NARS2: variants seen among roughly 807,000 people sequenced by gnomAD.
The protein encoded by NARS2 is asparaginyl-tRNA synthetase.
NARS2 carries 60 observed loss-of-function variants against 62.9 expected under a neutral mutation model. The ratio of observed to expected loss-of-function variants is 0.95; its 90% CI spans 0.77 to 1.18. The LOEUF (loss-of-function observed/expected upper bound fraction) is 1.18. Among genes scored for constraint, NARS2 ranks in the 50% most tolerant of loss-of-function variants. NARS2 has a pLI of 0.00. For missense variants in NARS2, 619 were observed against 576.4 expected, an observed-to-expected ratio of 1.07 and a Z score of -0.76; for synonymous variants, 196 against 200.0, an observed-to-expected ratio of 0.98 and a Z score of 0.17.
chr11:78,450,125 G>C (rs982972856), intron 11 of NARS2, among the ~76,000 whole-genome samples: 3 of 152,182 alleles, frequency 2.0e-5, no homozygotes, highest in Non-Finnish European at 2.9e-5. Context: ...CCCACTGAGG[G>C]AGAAGCACAA....
At chr11:78,537,526 G>C (rs1855404352) in intron 5 of NARS2, among the ~76,000 whole-genome samples, 1 of 152,238 alleles carries the variant, frequency 6.6e-6, no homozygotes, top group Non-Finnish European at 1.5e-5. Flanking sequence ...GCCAGGTATA[G>C]TGGCTCACAA....
intron 11 of NARS2, among the ~76,000 whole-genome samples, chr11:78,449,463 G>T (rs1857886255): frequency 6.6e-6 from 1 of 151,704 alleles, no homozygotes; most frequent in Non-Finnish European, 1.5e-5. Flanking sequence ...CTTATACCAT[G>T]GTAGGATAGC....
At chr11:78,527,116 T>G (rs756205691) in intron 6 of NARS2, among the ~76,000 whole-genome samples, 1 of 152,220 alleles carries the variant, frequency 6.6e-6, no homozygotes, top group Non-Finnish European at 1.5e-5. Flanking sequence ...GTAGAAGAGA[T>G]AATCCCAAAG....
intron 6 of NARS2, among the ~76,000 whole-genome samples, chr11:78,496,662 A>G (rs956022206): frequency 7.9e-5 from 12 of 152,186 alleles, no homozygotes; most frequent in African/African-American, 2.7e-4. Flanking sequence ...GCAGTTTGGC[A>G]TATTATGAAT....
At chr11:78,568,497 T>TCATATG (rs1856813523) in intron 3 of NARS2, 135 bp downstream of exon 3, 1 of 1,089,226 alleles carries the variant, frequency 9.2e-7, no homozygotes, top group Non-Finnish European at 1.3e-6. Context: ...CCTCTACAGG[T>TCATATG]CATATGGCTT....
chr11:78,544,533 C>T (rs1466898748), intron 5 of NARS2, among the ~76,000 whole-genome samples: 3 of 152,202 alleles, frequency 2.0e-5, no homozygotes, highest in African/African-American at 7.2e-5. Context: ...GTAGCTCATG[C>T]CTGTAATCCC....
At chr11:78,547,749 T>C (rs1855937374) in intron 5 of NARS2, among the ~76,000 whole-genome samples, 1 of 152,206 alleles carries the variant, frequency 6.6e-6, no homozygotes, top group Admixed American at 6.5e-5. Flanking sequence ...ATGACTAGAC[T>C]AGTCTTAAGG....
chr11:78,465,375 C>T (rs1044399474), intron 11 of NARS2, among the ~76,000 whole-genome samples: 1 of 152,214 alleles, frequency 6.6e-6, no homozygotes, highest in African/African-American at 2.4e-5. Flanking sequence ...GGCTGAAGGG[C>T]TCCTCAAGTG....
At chr11:78,479,153 G>A (rs192601798) in intron 7 of NARS2, among the ~76,000 whole-genome samples, 9 of 152,194 alleles carry the variant, frequency 5.9e-5, no homozygotes, top group Admixed American at 4.6e-4. Flanking sequence ...TGGTTCATTC[G>A]CTCATTGGTA....
chr11:78,466,276 C>G (rs1019828768), intron 10 of NARS2, among the ~76,000 whole-genome samples: 1 of 149,796 alleles, frequency 6.7e-6, no homozygotes, highest in Non-Finnish European at 1.5e-5. Flanking sequence ...CCACCCCCAC[C>G]CCCCAGGAGC....
At chr11:78,489,076 T>C (rs1374157713) in intron 7 of NARS2, among the ~76,000 whole-genome samples, 1 of 152,174 alleles carries the variant, frequency 6.6e-6, no homozygotes, top group Non-Finnish European at 1.5e-5. Context: ...AAAGAGTTCT[T>C]AGACTTGACA....
intron 7 of NARS2, among the ~76,000 whole-genome samples, chr11:78,483,760 A>T (rs1242518332): frequency 6.6e-6 from 1 of 152,224 alleles, no homozygotes; most frequent in South Asian, 2.1e-4. Context: ...AAATGGAAAA[A>T]AAAATTCCAT....
chr11:78,542,591 T>C (rs1232458098), intron 5 of NARS2, among the ~76,000 whole-genome samples: 3 of 152,138 alleles, frequency 2.0e-5, no homozygotes, highest in East Asian at 3.8e-4. Context: ...AAACCACGTA[T>C]CCACACAAAG....
At chr11:78,558,400 C>A (rs1441433593) in intron 5 of NARS2, 2 of 152,188 alleles carry the variant, frequency 1.3e-5, no homozygotes, top group Non-Finnish European at 2.9e-5. Flanking sequence ...GCACCACCAC[C>A]ATTATTAAGA....
At chr11:78,464,941 C>G (rs7941159) in intron 11 of NARS2, among the ~76,000 whole-genome samples, 53,755 of 152,246 alleles carry the variant, frequency 0.35, 12,712 homozygotes, top group African/African-American at 0.66. Context: ...TGCAGGTGGA[C>G]CTGCCTGCCA....
At chr11:78,458,038 G>A (rs1311728495) in intron 11 of NARS2, among the ~76,000 whole-genome samples, 3 of 152,114 alleles carry the variant, frequency 2.0e-5, no homozygotes, top group Non-Finnish European at 4.4e-5. Flanking sequence ...GGAGGAATGA[G>A]TGCTGGTATT....
chr11:78,466,716 C>T (rs1858639153), intron 10 of NARS2, among the ~76,000 whole-genome samples: 2 of 152,086 alleles, frequency 1.3e-5, no homozygotes, highest in African/African-American at 4.8e-5. Flanking sequence ...CTCCTGATTT[C>T]GTGATCTGCC....
At chr11:78,509,826 CAA>C (rs71046976) in intron 6 of NARS2, among the ~76,000 whole-genome samples, 6 of 116,718 alleles carry the variant, frequency 5.1e-5, no homozygotes, top group African/African-American at 3.6e-5. Context: ...GACTCTGTCT[CAA>C]AAAAAAAAAA....
rs575025676 is a variant in NARS2 at position 78,527,252 on chromosome 11, T to C, written c.689+1590A>G. On this transcript the variant is annotated intron_variant, in intron 6 of 13. Transcript: ENST00000281038. ...TGCTCTTTGAAACAGTTTTCTATTT[T>C]ACTTGTTTCCTCTGTAATATAATCA... Among the ~76,000 whole-genome samples the C allele has an allele frequency of 7.2e-5, 11 of 152,342 alleles. 1 individual carries two copies. The highest frequency in any genetic ancestry group is 6.5e-4 in the Admixed American group (10 of 15,300).
Sources: gnomAD v4.1 joint callset for allele counts (sites outside exome capture counted in the v4.1 genomes callset) on GRCh38, gnomAD v4.1.1 for gene constraint, MANE v1.5 for transcripts, NCBI Gene and HGNC (gene_info 2026-07-23, HGNC 2026-07-21) for gene names.